CACNA2D1: variants seen among roughly 807,000 people sequenced by gnomAD.
CACNA2D1 encodes the protein voltage-dependent calcium channel subunit alpha-2/delta-1.
In CACNA2D1, 53 loss-of-function variants were observed where a neutral mutation model predicts 171.5. The observed-to-expected ratio is 0.31, with a 90% CI of 0.25 to 0.39. The LOEUF (loss-of-function observed/expected upper bound fraction) is 0.39, where lower values mean the gene tolerates loss of function less well. Among genes scored for constraint, CACNA2D1 ranks in the 10% least tolerant of loss-of-function variants. The probability of loss-of-function intolerance (pLI) is 1.00; values close to 1 mark genes in which losing one functional copy is unlikely to be tolerated. For missense variants in CACNA2D1, 903 were observed against 1,299.8 expected (o/e 0.69, Z 4.69); for synonymous variants, 442 against 443.1 (o/e 1.00, Z 0.03).
At chr7:82,105,398 C>CTTT (rs572031121) in intron 6 of CACNA2D1, among the ~76,000 whole-genome samples, 8,844 of 99,426 alleles carry the variant, frequency 0.089, 566 homozygotes, top group South Asian at 0.14. Flanking sequence ...CAGTTTTTGT[C>CTTT]TTTTTTTTTT....
At chr7:82,089,775 C>T (rs1276613090) in intron 6 of CACNA2D1, among the ~76,000 whole-genome samples, 8 of 152,160 alleles carry the variant, frequency 5.3e-5, no homozygotes, top group Admixed American at 3.3e-4. Context: ...GAATATTTGA[C>T]GAGCTCTGAA....
At chr7:82,139,555 T>C (rs2129084531) in intron 4 of CACNA2D1, among the ~76,000 whole-genome samples, 1 of 152,290 alleles carries the variant, frequency 6.6e-6, no homozygotes, top group Non-Finnish European at 1.5e-5. Flanking sequence ...ACTCTGAAAC[T>C]CTATGTTGCT....
At chr7:82,180,574 T>A (rs564468624) in intron 3 of CACNA2D1, among the ~76,000 whole-genome samples, 1 of 152,182 alleles carries the variant, frequency 6.6e-6, no homozygotes, top group East Asian at 1.9e-4. Context: ...GGTTTCTAAT[T>A]TGGTCTTGAA....
intron 3 of CACNA2D1, among the ~76,000 whole-genome samples, chr7:82,312,403 A>T (rs1447330753): frequency 1.3e-5 from 2 of 152,162 alleles, no homozygotes; most frequent in East Asian, 3.9e-4. Context: ...AGCCCTACAA[A>T]CTGGAGCTGG....
At chr7:82,257,378 A>C (rs1228028899) in intron 3 of CACNA2D1, among the ~76,000 whole-genome samples, 1 of 152,210 alleles carries the variant, frequency 6.6e-6, no homozygotes, top group Non-Finnish European at 1.5e-5. Flanking sequence ...CTGAAAACAC[A>C]CATTCTGTGC....
chr7:82,208,389 A>T (rs1478363157), intron 3 of CACNA2D1, among the ~76,000 whole-genome samples: 1 of 152,100 alleles, frequency 6.6e-6, no homozygotes, highest in Non-Finnish European at 1.5e-5. Context: ...ATTCAGGCTG[A>T]TTGTTCAATT....
intron 1 of CACNA2D1, 33 bp from the exon 2 acceptor site, chr7:82,349,682 G>A (rs370912063): frequency 1.6e-5 from 24 of 1,499,164 alleles, no homozygotes; most frequent in Non-Finnish European, 2.1e-5. Context: ...TGTTCTATCA[G>A]ATCTCTGGCA....
intron 3 of CACNA2D1, among the ~76,000 whole-genome samples, chr7:82,281,536 T>G (rs533761187): frequency 5.9e-5 from 9 of 152,220 alleles, no homozygotes; most frequent in Non-Finnish European, 1.0e-4. Context: ...GAGTTTCACA[T>G]AGATTAAAAA....
chr7:82,409,663 T>C (rs1827436895), intron 1 of CACNA2D1, among the ~76,000 whole-genome samples: 1 of 152,224 alleles, frequency 6.6e-6, no homozygotes, highest in African/African-American at 2.4e-5. Context: ...AAAGCCACTG[T>C]ACCTCTCGTA....
chr7:82,383,936 C>A (rs1358854112), intron 1 of CACNA2D1, among the ~76,000 whole-genome samples: 1 of 151,922 alleles, frequency 6.6e-6, no homozygotes, highest in Non-Finnish European at 1.5e-5. Context: ...TTGAAAAAAA[C>A]AAATAATTAT....
At chr7:82,343,105 T>C (rs992185440) in intron 2 of CACNA2D1, 1 of 152,190 alleles carries the variant, frequency 6.6e-6, no homozygotes, top group Admixed American at 6.5e-5. Flanking sequence ...CTCAAATTTA[T>C]AGTGCATAAT....
chr7:82,038,069 A>C lies in CACNA2D1; in HGVS notation c.1038+8T>G, dbSNP rs1248422043. The C allele has an allele frequency of 6.2e-7, 1 of 1,612,478 alleles. No individual in the cohort carries two copies. The highest frequency in any genetic ancestry group is 1.7e-5 in the Admixed American group (1 of 60,018). On this transcript the variant is annotated splice_region_variant and intron_variant, in intron 11 of 38. Coordinates refer to ENST00000356860, the MANE Select transcript of CACNA2D1 (RefSeq NM_000722.4). ...CAACAACAACAAAAGACATAGCATGATACTTACATTAAGCAGCTGTTCAAA... is the reference window on the plus strand; with the variant it reads ...CAACAACAACAAAAGACATAGCATGCTACTTACATTAAGCAGCTGTTCAAA...
At chr7:82,356,328 T>C (rs1820420746) in intron 1 of CACNA2D1, among the ~76,000 whole-genome samples, 1 of 152,158 alleles carries the variant, frequency 6.6e-6, no homozygotes, top group African/African-American at 2.4e-5. Flanking sequence ...ACTGTCCTTT[T>C]CCACATTCTG....
At chr7:82,220,681 CAAAT>C (rs1006913901) in intron 3 of CACNA2D1, among the ~76,000 whole-genome samples, 3 of 151,654 alleles carry the variant, frequency 2.0e-5, no homozygotes, top group Non-Finnish European at 4.4e-5. Flanking sequence ...AGTTTGAAAA[CAAAT>C]AAATATTTTA....
At chr7:82,072,341 G>A (rs539288699) in intron 7 of CACNA2D1, among the ~76,000 whole-genome samples, 1 of 151,854 alleles carries the variant, frequency 6.6e-6, no homozygotes, top group Non-Finnish European at 1.5e-5. Context: ...CCTGCTATGT[G>A]CCCATAAAAA....
chr7:82,217,394 CATATATATATATAT>C (rs6150191), intron 3 of CACNA2D1, among the ~76,000 whole-genome samples: 14 of 102,542 alleles, frequency 1.4e-4, no homozygotes, highest in South Asian at 5.9e-4. Context: ...CACACACATA[CATATATATATATAT>C]ATATATATAT....
chr7:82,078,640 T>C (rs28503891), intron 7 of CACNA2D1, among the ~76,000 whole-genome samples: 58,962 of 152,028 alleles, frequency 0.39, 11,728 homozygotes, highest in Non-Finnish European at 0.43. Flanking sequence ...GGGCTAGTCA[T>C]TCTACTTATC....
chr7:82,340,918 A>C (rs925911050), intron 2 of CACNA2D1, among the ~76,000 whole-genome samples: 1 of 152,208 alleles, frequency 6.6e-6, no homozygotes, highest in Non-Finnish European at 1.5e-5. Flanking sequence ...TCCACTCTCT[A>C]TTGGGTAACA....
chr7:81,967,303 T>C (rs779945056), intron 30 of CACNA2D1, 96 bp from the exon 31 acceptor site: 11 of 1,045,238 alleles, frequency 1.1e-5, no homozygotes, highest in East Asian at 2.6e-5. Flanking sequence ...AAATAATTTA[T>C]CCAGTAGAAA....
Sources: allele counts gnomAD v4.1 joint callset (sites outside exome capture counted in the v4.1 genomes callset), GRCh38; gene constraint gnomAD v4.1.1; transcripts MANE v1.5; gene names NCBI Gene and HGNC (gene_info 2026-07-23, HGNC 2026-07-21).